Variants in TSHZ2 observed in about 807,000 individuals in gnomAD.
TSHZ2 encodes the protein teashirt homolog 2.
In TSHZ2, 21 loss-of-function variants were observed where a neutral mutation model predicts 74.4. The ratio of observed to expected loss-of-function variants is 0.28; its 90% CI spans 0.20 to 0.41. TSHZ2 has a LOEUF of 0.41. Among genes scored for constraint, TSHZ2 ranks in the 10% least tolerant of loss-of-function variants. TSHZ2 has a pLI of 1.00. For synonymous variants in TSHZ2, 540 were observed against 515.3 expected (o/e 1.05, Z -0.65); for missense variants, 1,244 against 1,293.5 (o/e 0.96, Z 0.59).
intron 1 of TSHZ2, among the ~76,000 whole-genome samples, chr20:52,996,614 G>A (rs1398426220): frequency 6.6e-6 from 1 of 152,056 alleles, no homozygotes. Context: ...TGGTTGGATT[G>A]CAATTTGCTT....
chr20:53,028,338 C>A (rs534525719), intron 1 of TSHZ2, among the ~76,000 whole-genome samples: 15 of 152,338 alleles, frequency 9.8e-5, no homozygotes, highest in African/African-American at 3.4e-4. Context: ...AGCATCACAT[C>A]CCCGATGTGG....
intron 1 of TSHZ2, among the ~76,000 whole-genome samples, chr20:53,167,585 T>TTG (rs1027452787): frequency 6.6e-6 from 1 of 151,340 alleles, no homozygotes; most frequent in Non-Finnish European, 1.5e-5. Flanking sequence ...GTGTGTGTGT[T>TTG]TGTGTGTGTG....
intron 1 of TSHZ2, among the ~76,000 whole-genome samples, chr20:53,114,653 C>G (rs1364211220): frequency 6.7e-6 from 1 of 150,308 alleles, no homozygotes; most frequent in Non-Finnish European, 1.5e-5. Flanking sequence ...CTTTCCGCCA[C>G]TCTGGATCTT....
intron 2 of TSHZ2, among the ~76,000 whole-genome samples, chr20:53,278,812 C>A (rs1273226182): frequency 6.6e-6 from 1 of 152,118 alleles, no homozygotes; most frequent in Non-Finnish European, 1.5e-5. Context: ...GTGGGCCATG[C>A]AGTCTGTGTC....
intron 2 of TSHZ2, among the ~76,000 whole-genome samples, chr20:53,267,073 C>G (rs369162084): frequency 6.6e-6 from 1 of 152,162 alleles, no homozygotes; most frequent in Non-Finnish European, 1.5e-5. Context: ...CCACCACGCC[C>G]GGCCTCGATG....
intron 1 of TSHZ2, among the ~76,000 whole-genome samples, chr20:53,171,014 G>A (rs1349727804): frequency 6.6e-6 from 1 of 151,234 alleles, no homozygotes; most frequent in South Asian, 2.1e-4. Context: ...AGTCTGTCCA[G>A]CTAATAGAAT....
In TSHZ2 at chr20:53,253,596, T is replaced by A. The variant is rs1485620144; in HGVS notation, c.138T>A (p.Asn46Lys). 4.3e-6 allele frequency: 7 copies of A among 1,613,970 alleles called. No individual in the cohort carries two copies. The highest frequency in any genetic ancestry group is 1.3e-5 in the African/African-American group (1 of 74,948). Residue 46 changes from asparagine (N) to lysine (K), a missense_variant, in exon 2 of 3, where the codon AAT becomes AAA. Physicochemically the swap from Asn to Lys is moderately conservative, Grantham distance 94. Around this residue, in one of 6 missense-constraint regions of TSHZ2, gnomAD observed 470 missense variants for 456.5 expected, o/e 1.03. Coordinates refer to ENST00000371497, the MANE Select transcript of TSHZ2 (RefSeq NM_173485.6). ...CAGTAGCTCAACTGCAGGGTGGCAA[T>A]GACACAGGGACGGACGAGGAGCTAG... is the stretch of plus-strand genomic sequence containing the variant. ...SGSVAQLQGG[N>K]DTGTDEELET...
At chr20:53,435,879 G>A (rs939111167) in intron 2 of TSHZ2, among the ~76,000 whole-genome samples, 4 of 152,194 alleles carry the variant, frequency 2.6e-5, no homozygotes, top group African/African-American at 9.7e-5. Context: ...CTTGCTAAGT[G>A]TGTGACTTTT....
rs368626161 is a variant in TSHZ2, at chr20:53,161,130, C to CAAAAAAAAAAAAAA, written c.41-92359_41-92346dup. 9.0e-4 allele frequency among the ~76,000 whole-genome samples: 61 copies of CAAAAAAAAAAAAAA among 67,964 alleles called. 9 individuals carry two copies. Among genetic ancestry groups the CAAAAAAAAAAAAAA allele is most frequent in the East Asian group, 4.6e-3 (9 of 1,942 alleles). 44.6% of individuals were successfully genotyped at this position (67,964 alleles called of 152,430 possible). A position where few individuals can be genotyped will look rare whatever the true frequency, so the allele number is the denominator to read the frequency against. ...AGAAACCAACTCTGGTTATTTTCAG[C>CAAAAAAAAAAAAAA]AAAAAAAAAAAAAAAAAAAAAAATA... On this transcript the variant is annotated intron_variant, in intron 1 of 2. Transcript: ENST00000371497.
At chr20:52,977,768 G>A (rs890640355) in intron 1 of TSHZ2, among the ~76,000 whole-genome samples, 1 of 152,230 alleles carries the variant, frequency 6.6e-6, no homozygotes, top group Admixed American at 6.5e-5. Flanking sequence ...GACACAATAC[G>A]TTAACCCTAA....
In TSHZ2 at chr20:53,255,579, CA is replaced by C; in HGVS notation, c.2124del (p.Ala709ProfsTer34). On this transcript the variant is annotated frameshift_variant, in exon 2 of 3. Coordinates refer to ENST00000371497, the MANE Select transcript of TSHZ2 (RefSeq NM_173485.6). LOFTEE classifies it high-confidence loss of function. The surrounding 1 kb of genome is among the most constrained non-coding windows in gnomAD (Gnocchi z 4.1). ...AGTCCGTCCTGAACAATCACTTGGG[CA>C]AAGCCACGGAGCCCTTGCGCTCACC... Reference protein sequence around the residue: ...LQSVLNNHLGKATEPLRSPSC... With the variant: ...LQSVLNNHLGXATEPLRSPSC... The C allele has an allele frequency of 6.3e-7, 1 of 1,581,648 alleles. No homozygotes were observed.
chr20:53,386,029 C>T (rs1343251905), intron 2 of TSHZ2, among the ~76,000 whole-genome samples: 1 of 152,156 alleles, frequency 6.6e-6, no homozygotes, highest in East Asian at 1.9e-4. Flanking sequence ...TGGCTATTCC[C>T]CCTGCCTCCA....
rs909247006 is a variant in TSHZ2 at position 53,135,353 on chromosome 20, T to C, written c.41-118146T>C. 4.6e-5 allele frequency among the ~76,000 whole-genome samples: 7 copies of C among 152,298 alleles called. 1 individual carries two copies. The highest frequency in any genetic ancestry group is 4.6e-4 in the Admixed American group (7 of 15,298). ...ACCTTTGATTTGTTCTCCATCTCTA[T>C]CATTTTGTCTTTGAATAATGTATAT... On this transcript the variant is annotated intron_variant, in intron 1 of 2. Coordinates refer to ENST00000371497, the MANE Select transcript of TSHZ2 (RefSeq NM_173485.6).
intron 1 of TSHZ2, chr20:53,097,904 A>G (rs1986099905): frequency 6.6e-6 from 1 of 152,248 alleles, no homozygotes. Context: ...CATTAGATTT[A>G]ATGAAAGCCA....
chr20:53,200,791 A>G (rs1042174152), intron 1 of TSHZ2, among the ~76,000 whole-genome samples: 2 of 152,226 alleles, frequency 1.3e-5, no homozygotes, highest in Non-Finnish European at 2.9e-5. Flanking sequence ...ACAAACAAAC[A>G]AGGAGAATAG....
intron 2 of TSHZ2, among the ~76,000 whole-genome samples, chr20:53,279,046 CGTT>C (rs922403283): frequency 6.6e-6 from 1 of 152,112 alleles, no homozygotes; most frequent in South Asian, 2.1e-4. Context: ...GAAAAGAAAA[CGTT>C]GTCAGGAAAA....
intron 1 of TSHZ2, among the ~76,000 whole-genome samples, chr20:53,106,129 T>C (rs1335974071): frequency 6.6e-6 from 1 of 152,092 alleles, no homozygotes; most frequent in African/African-American, 2.4e-5. Flanking sequence ...TTCTGAAATA[T>C]AAAACATATT....
intron 1 of TSHZ2, among the ~76,000 whole-genome samples, chr20:53,166,625 G>A (rs970558491): frequency 6.6e-6 from 1 of 152,076 alleles, no homozygotes; most frequent in African/African-American, 2.4e-5. Context: ...ACAAAAATTA[G>A]TCAGGCATGG....
intron 1 of TSHZ2, among the ~76,000 whole-genome samples, chr20:52,979,587 G>A (rs1266751519): frequency 2.0e-5 from 3 of 152,156 alleles, no homozygotes; most frequent in Non-Finnish European, 4.4e-5. Context: ...TGTTTCCAAA[G>A]CAAACTCCAT....
Sources: allele counts gnomAD v4.1 joint callset (sites outside exome capture counted in the v4.1 genomes callset), GRCh38; gene constraint gnomAD v4.1.1; regional missense constraint gnomAD v4.1.1; non-coding constraint Gnocchi (gnomAD v3.1); transcripts MANE v1.5; gene names NCBI Gene and HGNC (gene_info 2026-07-23, HGNC 2026-07-21).